Variants in FMN1 observed in about 807,000 individuals in gnomAD.
FMN1 encodes the protein formin-1.
Under a neutral mutation model 132.4 loss-of-function variants are expected in FMN1, and 110 were observed. The observed-to-expected ratio is 0.83, with a 90% CI of 0.71 to 0.97. FMN1 has a LOEUF of 0.97. Among genes scored for constraint, FMN1 ranks in the 50% least tolerant of loss-of-function variants. FMN1 has a pLI of 0.00. For missense variants in FMN1, 1,792 were observed against 1,705.3 expected (o/e 1.05, Z -0.90); for synonymous variants, 722 against 651.7 (o/e 1.11, Z -1.64).
intron 2 of FMN1, among the ~76,000 whole-genome samples, chr15:33,185,680 C>A (rs1022195142): frequency 1.3e-4 from 19 of 147,972 alleles, no homozygotes; most frequent in African/African-American, 4.8e-4. Context: ...TCAAGCGATT[C>A]TCCTGCCTCA....
intron 10 of FMN1, among the ~76,000 whole-genome samples, chr15:32,916,908 G>A (rs562587003): frequency 6.6e-6 from 1 of 152,084 alleles, no homozygotes; most frequent in Non-Finnish European, 1.5e-5. Context: ...AAGAAATATA[G>A]AAGGACTTGG....
chr15:32,989,211 G>GTTTGT (rs1335889462), intron 7 of FMN1, among the ~76,000 whole-genome samples: 1 of 152,190 alleles, frequency 6.6e-6, no homozygotes, highest in Non-Finnish European at 1.5e-5. Context: ...AGATTCAACT[G>GTTTGT]TTTGTTGTTT....
At chr15:33,073,979 C>T (rs1010202907) in intron 5 of FMN1, among the ~76,000 whole-genome samples, 8 of 152,164 alleles carry the variant, frequency 5.3e-5, no homozygotes, top group Non-Finnish European at 1.0e-4. Context: ...AATCTGCCCA[C>T]CTCGGCCCCC....
chr15:32,975,792 G>C (rs546111056), intron 7 of FMN1, among the ~76,000 whole-genome samples: 22 of 152,246 alleles, frequency 1.4e-4, no homozygotes, highest in African/African-American at 4.8e-4. Flanking sequence ...CCACATTTGT[G>C]ATTCTAATCT....
At chr15:32,898,756 C>T (rs759275051) in intron 15 of FMN1, 78 bp downstream of exon 15, 11 of 926,314 alleles carry the variant, frequency 1.2e-5, no homozygotes, top group Non-Finnish European at 1.9e-5. Context: ...GTTCGTTCAT[C>T]CATCTATCCA....
At chr15:32,835,750 T>C (rs1211610413) in intron 17 of FMN1, among the ~76,000 whole-genome samples, 1 of 152,198 alleles carries the variant, frequency 6.6e-6, no homozygotes, top group Admixed American at 6.5e-5. Context: ...AATGTCTGTG[T>C]GGTACAAAAT....
At chr15:32,805,108 C>T (rs183621468) in intron 17 of FMN1, among the ~76,000 whole-genome samples, 9 of 152,296 alleles carry the variant, frequency 5.9e-5, no homozygotes, top group African/African-American at 2.2e-4. Flanking sequence ...AATGGTTGAA[C>T]TAATTTACAC....
chr15:32,969,335 A>C lies in FMN1; in HGVS notation c.2366T>G (p.Ile789Ser). ...GGCEERKDVC[I>S]STDDDCPPKT... ...TGGAGGGCAGTCATCATCGGTGGAAATGCACACATCTTTCCTCTCTTCACA... is the reference window on the plus strand; with the variant it reads ...TGGAGGGCAGTCATCATCGGTGGAACTGCACACATCTTTCCTCTCTTCACA... The change falls in exon 8 of 21, where the codon ATT (isoleucine) becomes AGT (serine). Residue 789 changes from isoleucine to serine, a missense_variant. Coordinates refer to ENST00000616417, the MANE Select transcript of FMN1 (RefSeq NM_001277313.2). The C allele has an allele frequency of 6.2e-7, 1 of 1,613,942 alleles. No homozygotes were observed. The highest frequency in any genetic ancestry group is 8.5e-7 in the Non-Finnish European group (1 of 1,179,884).
chr15:33,067,466 G>T, intron 5 of FMN1: 1 of 1,614,002 alleles, frequency 6.2e-7, no homozygotes, highest in Non-Finnish European at 8.5e-7. Context: ...GTGCACCAGG[G>T]TCCCACGAAC....
intron 4 of FMN1, among the ~76,000 whole-genome samples, chr15:33,122,107 G>A (rs1283397199): frequency 1.3e-5 from 2 of 152,190 alleles, no homozygotes; most frequent in African/African-American, 4.8e-5. Context: ...AAGGGCCTGG[G>A]AACTTTTACA....
chr15:32,997,747 A>T (rs75791541), intron 7 of FMN1, among the ~76,000 whole-genome samples: 1 of 152,068 alleles, frequency 6.6e-6, no homozygotes, highest in Admixed American at 6.6e-5. Context: ...GACCATACCC[A>T]ATTTTTTACA....
chr15:32,806,774 G>A (rs1448620798), intron 17 of FMN1, among the ~76,000 whole-genome samples: 3 of 152,164 alleles, frequency 2.0e-5, no homozygotes, highest in Non-Finnish European at 4.4e-5. Flanking sequence ...CAGTCTGCAC[G>A]ATGGGCTCCC....
At chr15:33,102,538 CTCTCCCTCCT>C (rs1595474719) in intron 4 of FMN1, among the ~76,000 whole-genome samples, 1 of 152,146 alleles carries the variant, frequency 6.6e-6, no homozygotes, top group East Asian at 1.9e-4. Context: ...TTCTTTTCCT[CTCTCCCTCCT>C]TCTCCCTGTC....
intron 16 of FMN1, among the ~76,000 whole-genome samples, chr15:32,883,591 G>A (rs1274800527): frequency 7.2e-6 from 1 of 139,618 alleles, no homozygotes. Flanking sequence ...TTTCTGCTAA[G>A]TCAGACCTGC....
chr15:32,857,375 T>A (rs181299554), intron 16 of FMN1, among the ~76,000 whole-genome samples: 6 of 152,258 alleles, frequency 3.9e-5, no homozygotes, highest in African/African-American at 1.4e-4. Flanking sequence ...TCCAGAAAAG[T>A]CTCTGACCTG....
At chr15:32,837,084 C>T (rs908263297) in intron 17 of FMN1, 4 of 228,234 alleles carry the variant, frequency 1.8e-5, no homozygotes, top group East Asian at 2.2e-4. Flanking sequence ...GTCTGTTCAC[C>T]GCCAGGAGGA....
chr15:33,039,474 A>C (rs1174655896), intron 6 of FMN1, among the ~76,000 whole-genome samples: 1 of 152,206 alleles, frequency 6.6e-6, no homozygotes, highest in Non-Finnish European at 1.5e-5. Flanking sequence ...TTTTATGTAA[A>C]TTGTTATTAG....
chr15:32,917,719 T>TTCATAGATG lies in FMN1; in HGVS notation c.3227-7193_3227-7185dup, dbSNP rs1328838951. 2.6e-5 allele frequency among the ~76,000 whole-genome samples: 4 copies of TTCATAGATG among 152,222 alleles called. No homozygotes were observed. In the East Asian group the frequency reaches 7.7e-4, roughly 29 times the overall value. On this transcript the variant is annotated intron_variant, in intron 10 of 20. Coordinates refer to ENST00000616417, the MANE Select transcript of FMN1 (RefSeq NM_001277313.2). The stretch of plus-strand genomic sequence containing the variant: ...TACTGGACAAAGATTGTACTTCATT[T>TTCATAGATG]TCATAGATGTCAGGCTATAAATAAT...
chr15:32,977,951 C>T (rs1270312955), intron 7 of FMN1, among the ~76,000 whole-genome samples: 1 of 151,482 alleles, frequency 6.6e-6, no homozygotes, highest in Admixed American at 6.6e-5. Context: ...CCGCCTCCCA[C>T]GTTTAAGTGA....
Sources: gnomAD v4.1 joint callset for allele counts (sites outside exome capture counted in the v4.1 genomes callset) on GRCh38, gnomAD v4.1.1 for gene constraint, MANE v1.5 for transcripts, NCBI Gene and HGNC (gene_info 2026-07-23, HGNC 2026-07-21) for gene names.